GPC6: variants seen among roughly 807,000 people sequenced by gnomAD.
GPC6 encodes the protein glypican 6, also known as glypican-6.
In GPC6, 14 loss-of-function variants were observed where a neutral mutation model predicts 55.2. That is an observed-to-expected ratio of 0.25 (90% CI 0.17 to 0.40). The LOEUF is 0.40. GPC6 is among the 10% of genes least tolerant of loss of function. The probability of loss-of-function intolerance (pLI) is 1.00; values close to 1 mark genes in which losing one functional copy is unlikely to be tolerated. For synonymous variants in GPC6, 278 were observed against 259.6 expected, an observed-to-expected ratio of 1.07 and a Z score of -0.68; for missense variants, 641 against 708.5, an observed-to-expected ratio of 0.90 and a Z score of 1.08.
intron 5 of GPC6, among the ~76,000 whole-genome samples, chr13:94,288,888 A>ATATATAACAAATATATATATATTTGT (rs1199590033): frequency 2.5e-5 from 3 of 122,318 alleles, no homozygotes; most frequent in Non-Finnish European, 5.0e-5. Flanking sequence ...TATAACTAAT[A>ATATATAACAAATATATATATATTTGT]TATATAACAA....
At position 93,895,202 on chromosome 13, in the gene GPC6, A is replaced by ATGTG. The variant is rs572229582; in HGVS notation, c.711+64669_711+64672dup. 2.5e-5 allele frequency among the ~76,000 whole-genome samples: 3 copies of ATGTG among 121,936 alleles called. 1 individual carries two copies. Among genetic ancestry groups the ATGTG allele is most frequent in the African/African-American group, 7.4e-5 (2 of 27,026 alleles). The allele number at this position is 121,936 out of a possible 152,430, so 80.0% of individuals were successfully genotyped here. ...TTTTTTCACCTCTAAGTCCATATAT[A>ATGTG]TGTGTGTGTGTGTGTATGTATGTGT... On this transcript the variant is annotated intron_variant, in intron 3 of 8. Transcript: ENST00000377047.
chr13:94,342,169 G>C (rs1878073701), intron 6 of GPC6, among the ~76,000 whole-genome samples: 3 of 152,214 alleles, frequency 2.0e-5, no homozygotes, highest in Non-Finnish European at 4.4e-5. Context: ...TTTCGTTCCA[G>C]TAGCTGAAAG....
chr13:93,575,069 G>C (rs1258557649), intron 2 of GPC6, among the ~76,000 whole-genome samples: 1 of 152,074 alleles, frequency 6.6e-6, no homozygotes, highest in Non-Finnish European at 1.5e-5. Flanking sequence ...CGAGGCGGGT[G>C]GATCACCTGA....
chr13:94,168,587 A>T (rs1020751091), intron 4 of GPC6, among the ~76,000 whole-genome samples: 2 of 151,012 alleles, frequency 1.3e-5, no homozygotes, highest in Non-Finnish European at 2.9e-5. Context: ...TTTTGCCTTC[A>T]TGGGCACCTT....
chr13:93,877,742 CT>C (rs1250111118), intron 3 of GPC6, among the ~76,000 whole-genome samples: 1 of 152,060 alleles, frequency 6.6e-6, no homozygotes, highest in Non-Finnish European at 1.5e-5. Context: ...GGAGTTCTAG[CT>C]TTGTTAGAAG....
At chr13:93,856,187 T>A (rs1264164798) in intron 3 of GPC6, among the ~76,000 whole-genome samples, 1 of 151,522 alleles carries the variant, frequency 6.6e-6, no homozygotes, top group East Asian at 2.0e-4. Flanking sequence ...CAGCCTCCTA[T>A]AAACTATGCT....
intron 3 of GPC6, among the ~76,000 whole-genome samples, chr13:93,879,879 A>G (rs1365167053): frequency 8.6e-5 from 13 of 151,894 alleles, no homozygotes; most frequent in Admixed American, 3.3e-4. Context: ...AAAAAAACAA[A>G]CAACCCCATC....
intron 3 of GPC6, among the ~76,000 whole-genome samples, chr13:93,832,041 G>A (rs1223026201): frequency 4.7e-5 from 6 of 126,442 alleles, no homozygotes; most frequent in Non-Finnish European, 7.9e-5. Flanking sequence ...AGTGAGCTGA[G>A]ATCGAGCCTC....
chr13:93,342,244 A>G (rs187638890), intron 1 of GPC6, among the ~76,000 whole-genome samples: 1 of 152,206 alleles, frequency 6.6e-6, no homozygotes, highest in Admixed American at 6.5e-5. Context: ...AGACTGGGAG[A>G]ACATAGGTGT....
chr13:93,857,189 G>T (rs1015452476), intron 3 of GPC6, among the ~76,000 whole-genome samples: 1 of 151,528 alleles, frequency 6.6e-6, no homozygotes, highest in Admixed American at 6.6e-5. Flanking sequence ...ACAATAAATT[G>T]CAAACACATC....
chr13:93,602,309 T>G (rs927624715), intron 2 of GPC6, among the ~76,000 whole-genome samples: 5 of 152,174 alleles, frequency 3.3e-5, no homozygotes, highest in Non-Finnish European at 5.9e-5. Context: ...CTGTTTTGGG[T>G]ACAAATTGAG....
chr13:94,375,733 G>A, intron 6 of GPC6, among the ~76,000 whole-genome samples: 1 of 127,434 alleles, frequency 7.8e-6, no homozygotes. Context: ...AAGCCAGGCA[G>A]AGACACAACA....
At chr13:93,781,617 G>A (rs1263208831) in intron 2 of GPC6, among the ~76,000 whole-genome samples, 1 of 152,106 alleles carries the variant, frequency 6.6e-6, no homozygotes, top group Non-Finnish European at 1.5e-5. Flanking sequence ...AGTGAAATCA[G>A]AAATGATTTT....
At chr13:93,803,353 A>G (rs1786887915) in intron 2 of GPC6, among the ~76,000 whole-genome samples, 1 of 152,212 alleles carries the variant, frequency 6.6e-6, no homozygotes, top group Non-Finnish European at 1.5e-5. Flanking sequence ...TATCTTATCC[A>G]GTAAAAAATG....
At chr13:94,066,552 A>G (rs921940033) in intron 4 of GPC6, among the ~76,000 whole-genome samples, 1 of 152,204 alleles carries the variant, frequency 6.6e-6, no homozygotes, top group Non-Finnish European at 1.5e-5. Flanking sequence ...AACTGCTAAT[A>G]AAAGGAACAT....
chr13:94,034,248 G>GGAAGGAAA (rs1371545784), intron 4 of GPC6, among the ~76,000 whole-genome samples: 4 of 92,766 alleles, frequency 4.3e-5, no homozygotes, highest in East Asian at 6.2e-4. Flanking sequence ...AAGGAAGGAA[G>GGAAGGAAA]GAAAGAAAGA....
intron 4 of GPC6, among the ~76,000 whole-genome samples, chr13:94,166,465 A>C (rs1888375386): frequency 6.6e-6 from 1 of 152,104 alleles, no homozygotes; most frequent in African/African-American, 2.4e-5. Flanking sequence ...TCTCCATAAT[A>C]GGCCTGCGCC....
intron 4 of GPC6, among the ~76,000 whole-genome samples, chr13:94,279,613 G>T (rs1892314136): frequency 6.6e-6 from 1 of 151,920 alleles, no homozygotes; most frequent in Admixed American, 6.6e-5. Context: ...CACTGCTTTA[G>T]GTGTGTCCCA....
At chr13:93,803,927 C>T (rs1018009023) in intron 2 of GPC6, among the ~76,000 whole-genome samples, 12 of 152,004 alleles carry the variant, frequency 7.9e-5, no homozygotes, top group African/African-American at 2.7e-4. Flanking sequence ...AAAATCAGAA[C>T]GGCTGCTAAT....
Sources: gnomAD v4.1 joint callset for allele counts (sites outside exome capture counted in the v4.1 genomes callset) on GRCh38, gnomAD v4.1.1 for gene constraint, MANE v1.5 for transcripts, NCBI Gene and HGNC (gene_info 2026-07-23, HGNC 2026-07-21) for gene names.